Variants in DYNC2I1 observed in about 807,000 individuals in gnomAD.
DYNC2I1 encodes cytoplasmic dynein 2 intermediate chain 1.
In DYNC2I1, 89 loss-of-function variants were observed where a neutral mutation model predicts 133.4. The ratio of observed to expected loss-of-function variants is 0.67; its 90% CI spans 0.56 to 0.80. The LOEUF (loss-of-function observed/expected upper bound fraction) is 0.80, where lower values mean the gene tolerates loss of function less well. Ranked by LOEUF, DYNC2I1 falls within the 30% of genes least tolerant of loss-of-function variation. The probability of loss-of-function intolerance (pLI) is 0.00; values close to 1 mark genes in which losing one functional copy is unlikely to be tolerated. For synonymous variants in DYNC2I1, 504 were observed against 484.3 expected (o/e 1.04, Z -0.54); for missense variants, 1,291 against 1,314.5 (o/e 0.98, Z 0.28).
At chr7:158,863,439 T>C (rs1842054867) in intron 1 of DYNC2I1, among the ~76,000 whole-genome samples, 1 of 151,950 alleles carries the variant, frequency 6.6e-6, no homozygotes. Flanking sequence ...ACCACTGAAC[T>C]CTAGCCTGGG....
rs997025765 is a variant in DYNC2I1 at position 158,880,264 on chromosome 7, C to T, written c.879+275C>T. The stretch of plus-strand genomic sequence containing the variant: ...TAAAACTTTGAAATTTGGCCAGGCG[C>T]GGTGGCTCATGCCTGTCATCCCAGC... On this transcript the variant is annotated intron_variant, in intron 5 of 24. Transcript: ENST00000407559. 4.6e-5 allele frequency among the ~76,000 whole-genome samples: 7 copies of T among 152,132 alleles called. 1 individual carries two copies. Among genetic ancestry groups the T allele is most frequent in the Admixed American group, 2.6e-4 (4 of 15,270 alleles).
chr7:158,875,876 G>C (rs1843310671), intron 3 of DYNC2I1, among the ~76,000 whole-genome samples: 1 of 152,310 alleles, frequency 6.6e-6, no homozygotes, highest in Non-Finnish European at 1.5e-5. Context: ...CCCTGCTTCT[G>C]CGTGATATGC....
At chr7:158,910,284 G>A (rs551471165) in intron 11 of DYNC2I1, among the ~76,000 whole-genome samples, 67 of 152,370 alleles carry the variant, frequency 4.4e-4, no homozygotes, top group African/African-American at 1.3e-3. Flanking sequence ...GAGGGCCATC[G>A]GCCGTGTCAG....
In DYNC2I1 at chr7:158,884,721, A is replaced by G. The variant is rs548724079; in HGVS notation, c.935+102A>G. 6.3e-5 allele frequency: 79 copies of G among 1,248,796 alleles called. No individual in the cohort carries two copies. The South Asian group carries it at 6.8e-4, about 11-fold the overall frequency. 77.4% of individuals were successfully genotyped at this position (1,248,796 alleles called of 1,614,324 possible). Reference sequence around the variant, plus strand: ...CTCCGATGACGGCCAGTCCATGGCAATCAGTTATAGATATACTTCATTTTC... The same window carrying G: ...CTCCGATGACGGCCAGTCCATGGCAGTCAGTTATAGATATACTTCATTTTC... On this transcript the variant is annotated intron_variant, in intron 6 of 24. Coordinates refer to ENST00000407559, the MANE Select transcript of DYNC2I1 (RefSeq NM_018051.5).
chr7:158,922,489 CTGTG>C lies in DYNC2I1; in HGVS notation c.2039_2042del (p.Val680GlyfsTer13), dbSNP rs1441154408. On this transcript the variant is annotated frameshift_variant, in exon 16 of 25. Transcript: ENST00000407559. LOFTEE classifies it high-confidence loss of function. ...CCCTGCTGGACAGCAAATACGTCCT[CTGTG>C]TGTGGGATATTTGGCAGCCTTCAGG... 6.2e-7 allele frequency: 1 copy of C among 1,613,964 alleles called. No individual in the cohort carries two copies. Among genetic ancestry groups the C allele is most frequent in the South Asian group, 1.1e-5 (1 of 91,076 alleles).
At chr7:158,932,556 C>T (rs1850328735) in intron 21 of DYNC2I1, among the ~76,000 whole-genome samples, 1 of 151,662 alleles carries the variant, frequency 6.6e-6, no homozygotes, top group Non-Finnish European at 1.5e-5. Context: ...CCTAACGAGT[C>T]TGTCTGCCGT....
downstream of DYNC2I1, among the ~76,000 whole-genome samples, chr7:158,947,288 G>A (rs753143682): frequency 2.0e-5 from 3 of 152,114 alleles, no homozygotes; most frequent in Non-Finnish European, 4.4e-5. Flanking sequence ...ACGGCCTCTC[G>A]AGTCCACACC....
chr7:158,915,833 A>G (rs1848149858), intron 14 of DYNC2I1, among the ~76,000 whole-genome samples: 2 of 146,672 alleles, frequency 1.4e-5, no homozygotes, highest in Non-Finnish European at 3.0e-5. Context: ...TGATTGTGAA[A>G]CGTCAACACG....
Position 158,858,075 on chromosome 7 carries a change from G to GC in DYNC2I1, c.15+1327dup, listed in dbSNP as rs1423064262. Among the ~76,000 whole-genome samples the GC allele has an allele frequency of 2.0e-5, 3 of 152,284 alleles. No individual in the cohort carries two copies. In the East Asian group the frequency reaches 5.8e-4, roughly 29 times the overall value. On this transcript the variant is annotated intron_variant, in intron 1 of 24. Coordinates refer to ENST00000407559, the MANE Select transcript of DYNC2I1 (RefSeq NM_018051.5). ...CAAAGTGCTGGGATTACAGGCGTGAGCCACCGCGCTAGGCCAACCTTAGAT... is the reference window on the plus strand; with the variant it reads ...CAAAGTGCTGGGATTACAGGCGTGAGCCCACCGCGCTAGGCCAACCTTAGAT...
intron 8 of DYNC2I1, among the ~76,000 whole-genome samples, chr7:158,891,666 C>A (rs1335152644): frequency 1.3e-5 from 2 of 152,118 alleles, no homozygotes; most frequent in Non-Finnish European, 2.9e-5. Context: ...GGTGAATGAA[C>A]AGACAGCCTT....
chr7:158,864,476 A>T (rs529514602), intron 1 of DYNC2I1, among the ~76,000 whole-genome samples: 1 of 152,206 alleles, frequency 6.6e-6, no homozygotes. Context: ...AACATGTTAT[A>T]AGCAGAAATA....
At chr7:158,894,099 G>GTGCATATCCTAC (rs1170705609) in intron 8 of DYNC2I1, among the ~76,000 whole-genome samples, 161 of 4,356 alleles carry the variant, frequency 0.037, 1 homozygote, top group East Asian at 0.23. Context: ...GTATAGCAAA[G>GTGCATATCCTAC]TGCATATCCT....
At chr7:158,848,344 CA>C in the DYNC2I1 span, among the ~76,000 whole-genome samples, 5 of 152,040 alleles carry the variant, frequency 3.3e-5, no homozygotes, top group Non-Finnish European at 2.9e-5. Context: ...GTCTATTATC[CA>C]GGTCATGGTA....
chr7:158,892,146 G>A (rs1054214748), intron 8 of DYNC2I1, among the ~76,000 whole-genome samples: 16 of 152,182 alleles, frequency 1.1e-4, no homozygotes, highest in African/African-American at 3.6e-4. Context: ...CCCACACTAG[G>A]TGTGTTTGCA....
At chr7:158,885,345 C>CTTT (rs758083057) in intron 6 of DYNC2I1, among the ~76,000 whole-genome samples, 1 of 141,904 alleles carries the variant, frequency 7.0e-6, no homozygotes, top group African/African-American at 2.6e-5. Context: ...TGTATAAACT[C>CTTT]TTTTTTTTTT....
chr7:158,845,464 C>T, the DYNC2I1 span, among the ~76,000 whole-genome samples: 16 of 152,224 alleles, frequency 1.1e-4, no homozygotes, highest in African/African-American at 3.1e-4. Context: ...CATACTTAAC[C>T]GTGCAGAATA....
chr7:158,907,098 C>G (rs1173270996), intron 11 of DYNC2I1, among the ~76,000 whole-genome samples: 1 of 151,478 alleles, frequency 6.6e-6, no homozygotes, highest in African/African-American at 2.4e-5. Flanking sequence ...CTTGAGGCTG[C>G]ACTGAGCTGT....
chr7:158,914,127 G>A, intron 13 of DYNC2I1, 106 bp from the exon 14 acceptor site: 1 of 830,494 alleles, frequency 1.2e-6, no homozygotes, highest in African/African-American at 1.7e-5. Context: ...TTTCCTTCTG[G>A]GACTCTTAAT....
At position 158,877,155 on chromosome 7, in the gene DYNC2I1, G is replaced by C. The variant is rs572457397; in HGVS notation, c.573+464G>C. Among the ~76,000 whole-genome samples, 17 of 152,286 alleles carry C rather than the reference G, an allele frequency of 1.1e-4. No homozygotes were observed. The East Asian group carries it at 3.3e-3, about 29-fold the overall frequency. On this transcript the variant is annotated intron_variant, in intron 4 of 24. Coordinates refer to ENST00000407559, the MANE Select transcript of DYNC2I1 (RefSeq NM_018051.5). ...ACTTGGTGTTTCGCGGTGCGGGTGTGTTGGTGCTCTCCAGGCACCTGCGGT... is the reference window on the plus strand; with the variant it reads ...ACTTGGTGTTTCGCGGTGCGGGTGTCTTGGTGCTCTCCAGGCACCTGCGGT...
Sources: allele counts gnomAD v4.1 joint callset (sites outside exome capture counted in the v4.1 genomes callset), GRCh38; gene constraint gnomAD v4.1.1; transcripts MANE v1.5; gene names NCBI Gene and HGNC (gene_info 2026-07-23, HGNC 2026-07-21).